The following CAMTA1 variants were observed in gnomAD, a reference collection of about 807,000 sequenced individuals.
CAMTA1 encodes the protein calmodulin-binding transcription activator 1.
Under a neutral mutation model 170.9 loss-of-function variants are expected in CAMTA1, and 27 were observed. The ratio of observed to expected loss-of-function variants is 0.16; its 90% confidence interval spans 0.12 to 0.22. CAMTA1 has a LOEUF of 0.22. Among genes scored for constraint, CAMTA1 ranks in the 10% least tolerant of loss-of-function variants. The probability of loss-of-function intolerance (pLI) is 1.00; values close to 1 mark genes in which losing one functional copy is unlikely to be tolerated. For missense variants in CAMTA1, 1,619 were observed against 2,217.2 expected (o/e 0.73, Z 5.42); for synonymous variants, 833 against 891.5 (o/e 0.93, Z 1.17).
chr1:7,567,275 C>T (rs72865494), intron 6 of CAMTA1, among the ~76,000 whole-genome samples: 6,730 of 152,202 alleles, frequency 0.044, 515 homozygotes, highest in African/African-American at 0.15. Context: ...GAACCACAGG[C>T]GAAGTGTGGT....
chr1:7,393,061 A>G (rs1325482407), intron 5 of CAMTA1, among the ~76,000 whole-genome samples: 1 of 144,184 alleles, frequency 6.9e-6, no homozygotes, highest in African/African-American at 2.8e-5. Context: ...TCTTAAAAAA[A>G]AAAAAAAAGT....
chr1:6,797,994 GA>G (rs1473102922), intron 1 of CAMTA1, among the ~76,000 whole-genome samples: 2 of 147,008 alleles, frequency 1.4e-5, no homozygotes, highest in Admixed American at 6.8e-5. Flanking sequence ...ATGAAGAAAG[GA>G]ATTTTTTTTT....
intron 3 of CAMTA1, among the ~76,000 whole-genome samples, chr1:6,921,531 A>T (rs1682010706): frequency 6.6e-6 from 1 of 152,210 alleles, no homozygotes; most frequent in African/African-American, 2.4e-5. Flanking sequence ...GTATCTTTTC[A>T]GCAATGCCCT....
chr1:7,282,273 G>A (rs553959592), intron 5 of CAMTA1, among the ~76,000 whole-genome samples: 1 of 152,236 alleles, frequency 6.6e-6, no homozygotes, highest in Non-Finnish European at 1.5e-5. Flanking sequence ...CATTTTTCTG[G>A]TTTTCCAGTA....
At chr1:7,549,319 G>A (rs974233482) in intron 6 of CAMTA1, among the ~76,000 whole-genome samples, 15 of 152,052 alleles carry the variant, frequency 9.9e-5, no homozygotes, top group East Asian at 5.8e-4. Flanking sequence ...ACTTCTACTC[G>A]GGACTCACCA....
chr1:7,446,526 G>A (rs545664597), intron 5 of CAMTA1, among the ~76,000 whole-genome samples: 189 of 152,302 alleles, frequency 1.2e-3, no homozygotes, highest in African/African-American at 4.1e-3. Context: ...TGGCCACCAG[G>A]AGGGCCCGGG....
intron 3 of CAMTA1, among the ~76,000 whole-genome samples, chr1:7,004,226 A>C (rs1341035139): frequency 6.6e-6 from 1 of 152,250 alleles, no homozygotes; most frequent in Non-Finnish European, 1.5e-5. Context: ...CAGGGAGGCC[A>C]GTGTTATTGT....
In CAMTA1 at chr1:7,010,003, G is replaced by A. The variant is rs929131276; in HGVS notation, c.235-81301G>A. Among the ~76,000 whole-genome samples, 9 of 152,192 alleles carry A rather than the reference G, an allele frequency of 5.9e-5. No individual in the cohort carries two copies. The highest frequency in any genetic ancestry group is 1.7e-4 in the African/African-American group (7 of 41,448). On this transcript the variant is annotated intron_variant, in intron 3 of 22. Transcript: ENST00000303635. This position sits in a 1 kb window ranked among gnomAD's most constrained non-coding sequence, Gnocchi z 4.4. ...GAGGTGTTGGCGCTGTCCAGGTGCC[G>A]GCCAGTGTGGAAGGAGCTGGCTGCT...
At chr1:7,459,290 G>A (rs537309890) in intron 5 of CAMTA1, among the ~76,000 whole-genome samples, 79 of 152,326 alleles carry the variant, frequency 5.2e-4, no homozygotes, top group African/African-American at 1.8e-3. Context: ...AGACACTTGT[G>A]CAACTAGAGA....
chr1:7,602,781 T>C (rs1283578990), intron 6 of CAMTA1, among the ~76,000 whole-genome samples: 1 of 152,228 alleles, frequency 6.6e-6, no homozygotes. Flanking sequence ...CTGCTTTCTC[T>C]TGTGGGCATT....
At chr1:7,228,479 C>T (rs1357087820) in intron 4 of CAMTA1, among the ~76,000 whole-genome samples, 1 of 152,182 alleles carries the variant, frequency 6.6e-6, no homozygotes, top group East Asian at 1.9e-4. Flanking sequence ...CACTGCGGTT[C>T]CAGCAGGGCC....
intron 3 of CAMTA1, among the ~76,000 whole-genome samples, chr1:6,864,544 T>C (rs1665918968): frequency 6.6e-6 from 1 of 152,168 alleles, no homozygotes; most frequent in South Asian, 2.1e-4. Flanking sequence ...GTCACCTCTC[T>C]CATCTCCTGC....
At chr1:7,755,432 A>C (rs1283749827) in intron 21 of CAMTA1, among the ~76,000 whole-genome samples, 3 of 151,980 alleles carry the variant, frequency 2.0e-5, no homozygotes, top group Admixed American at 2.0e-4. Context: ...CCCATTTCTA[A>C]GTCATATGAC....
chr1:7,331,588 A>G (rs1025808109), intron 5 of CAMTA1, among the ~76,000 whole-genome samples: 1 of 152,210 alleles, frequency 6.6e-6, no homozygotes, highest in African/African-American at 2.4e-5. Flanking sequence ...GCTGCAGCAC[A>G]CACAAGGCAC....
At chr1:7,335,584 C>A (rs1343382868) in intron 5 of CAMTA1, among the ~76,000 whole-genome samples, 1 of 152,104 alleles carries the variant, frequency 6.6e-6, no homozygotes, top group Non-Finnish European at 1.5e-5. Context: ...GAGCCATATA[C>A]ATCTCGCTCT....
At chr1:7,268,018 G>C (rs1669182539) in intron 5 of CAMTA1, among the ~76,000 whole-genome samples, 1 of 152,178 alleles carries the variant, frequency 6.6e-6, no homozygotes, top group African/African-American at 2.4e-5. Context: ...TAGAACACTG[G>C]ACACAATATA....
intron 4 of CAMTA1, among the ~76,000 whole-genome samples, chr1:7,180,461 A>T (rs540412930): frequency 6.6e-6 from 1 of 151,518 alleles, no homozygotes; most frequent in Non-Finnish European, 1.5e-5. Context: ...ACCAATTTCC[A>T]TAAAAGATCT....
At chr1:7,401,454 A>C (rs1259413706) in intron 5 of CAMTA1, among the ~76,000 whole-genome samples, 2 of 152,180 alleles carry the variant, frequency 1.3e-5, no homozygotes, top group African/African-American at 4.8e-5. Context: ...TCTTTTTCAA[A>C]AATTGCTTTG....
intron 5 of CAMTA1, among the ~76,000 whole-genome samples, chr1:7,289,868 CAG>C (rs1333097211): frequency 6.6e-6 from 1 of 152,176 alleles, no homozygotes; most frequent in African/African-American, 2.4e-5. Context: ...CCAGAGCCTT[CAG>C]AGAGGGCGTG....
Sources: allele counts gnomAD v4.1 joint callset (sites outside exome capture counted in the v4.1 genomes callset), GRCh38; gene constraint gnomAD v4.1.1; non-coding constraint Gnocchi (gnomAD v3.1); transcripts MANE v1.5; gene names NCBI Gene and HGNC (gene_info 2026-07-23, HGNC 2026-07-21).